TRPM3: variants seen among roughly 807,000 people sequenced by gnomAD.
TRPM3 encodes transient receptor potential cation channel subfamily M member 3, also known as long transient receptor potential channel 3.
TRPM3 carries 77 observed loss-of-function variants against 181.2 expected under a neutral mutation model. The ratio of observed to expected loss-of-function variants is 0.42; its 90% CI spans 0.35 to 0.51. TRPM3 has a LOEUF of 0.51. TRPM3 is among the 20% of genes least tolerant of loss of function. The pLI is 0.01. For synonymous variants in TRPM3, 745 were observed against 796.4 expected, an observed-to-expected ratio of 0.94 and a Z score of 1.09; for missense variants, 1,759 against 2,196.7, an observed-to-expected ratio of 0.80 and a Z score of 3.98.
chr9:71,153,001 T>G (rs1314608055), intron 1 of TRPM3, among the ~76,000 whole-genome samples: 1 of 152,108 alleles, frequency 6.6e-6, no homozygotes, highest in Non-Finnish European at 1.5e-5. Flanking sequence ...GCCCCTGTCA[T>G]AGTGGCCAAT....
At chr9:70,886,673 T>A (rs2096088607) in intron 1 of TRPM3, among the ~76,000 whole-genome samples, 1 of 149,400 alleles carries the variant, frequency 6.7e-6, no homozygotes, top group Non-Finnish European at 1.5e-5. Flanking sequence ...TCTTTTTTTC[T>A]TTTTTTTTGA....
chr9:71,314,237 G>A (rs1281495409), intron 1 of TRPM3, among the ~76,000 whole-genome samples: 1 of 151,938 alleles, frequency 6.6e-6, no homozygotes, highest in Non-Finnish European at 1.5e-5. Context: ...ACTTATACCT[G>A]TGATAAATAC....
intron 1 of TRPM3, among the ~76,000 whole-genome samples, chr9:71,130,322 A>T (rs2074292872): frequency 6.6e-6 from 1 of 152,230 alleles, no homozygotes; most frequent in African/African-American, 2.4e-5. Context: ...AAATACCATG[A>T]TCTATCATTA....
At chr9:71,263,261 C>T (rs536138838) in intron 1 of TRPM3, among the ~76,000 whole-genome samples, 33 of 152,142 alleles carry the variant, frequency 2.2e-4, no homozygotes, top group Non-Finnish European at 1.3e-4. Context: ...TTTTTTTAAA[C>T]GTTTAACATG....
intron 14 of TRPM3, among the ~76,000 whole-genome samples, chr9:70,622,836 C>A (rs1378661781): frequency 6.6e-6 from 1 of 152,084 alleles, no homozygotes; most frequent in Non-Finnish European, 1.5e-5. Context: ...CAGCTCAAAC[C>A]GAATCTCTCT....
At chr9:71,089,168 AAT>A (rs1303901336) in intron 1 of TRPM3, among the ~76,000 whole-genome samples, 2 of 147,584 alleles carry the variant, frequency 1.4e-5, no homozygotes, top group East Asian at 3.9e-4. Flanking sequence ...ATCATATATG[AAT>A]ATATATTTTT....
chr9:70,662,161 A>G (rs1291906084), intron 9 of TRPM3, among the ~76,000 whole-genome samples: 9 of 152,194 alleles, frequency 5.9e-5, no homozygotes. Context: ...ATACAAAAAC[A>G]TACATTGGGA....
chr9:71,314,446 C>A (rs1203502958), intron 1 of TRPM3, among the ~76,000 whole-genome samples: 2 of 152,064 alleles, frequency 1.3e-5, no homozygotes, highest in African/African-American at 4.8e-5. Flanking sequence ...TGAAAAGTTT[C>A]TTTTAAAATT....
intron 1 of TRPM3, among the ~76,000 whole-genome samples, chr9:70,965,921 C>T (rs777822393): frequency 7.3e-5 from 11 of 151,252 alleles, no homozygotes; most frequent in East Asian, 1.9e-4. Context: ...AGCTTCTATA[C>T]GGTAAACAAA....
chr9:70,619,675 A>T (rs1366110719), intron 16 of TRPM3, among the ~76,000 whole-genome samples: 3 of 151,982 alleles, frequency 2.0e-5, no homozygotes, highest in Non-Finnish European at 4.4e-5. Flanking sequence ...TCAGCCTCCC[A>T]AAGTGCTGGG....
chr9:71,231,759 A>AT (rs1258790650), intron 1 of TRPM3, among the ~76,000 whole-genome samples: 1 of 152,184 alleles, frequency 6.6e-6, no homozygotes, highest in Non-Finnish European at 1.5e-5. Flanking sequence ...CATGGCAACA[A>AT]TAGACACTGG....
intron 3 of TRPM3, among the ~76,000 whole-genome samples, chr9:70,848,059 A>C (rs1014059531): frequency 2.0e-5 from 3 of 152,216 alleles, no homozygotes; most frequent in African/African-American, 7.2e-5. Context: ...AGATCCTCAA[A>C]GTCATTGAAA....
In TRPM3 at chr9:70,605,202, C is replaced by T. The variant is rs1443814909; in HGVS notation, c.2668-1732G>A. 5.3e-5 allele frequency among the ~76,000 whole-genome samples: 8 copies of T among 151,924 alleles called. No individual in the cohort carries two copies. In the East Asian group the frequency reaches 5.8e-4, roughly 11 times the overall value. Reference sequence around the variant, plus strand: ...AATTCCTGACCTCAAGTGATCTGCCCGCCTCGGCCTCCTAAAGTGCTGGGA... The same window carrying T: ...AATTCCTGACCTCAAGTGATCTGCCTGCCTCGGCCTCCTAAAGTGCTGGGA... On this transcript the variant is annotated intron_variant, in intron 19 of 25. Transcript: ENST00000677713.
chr9:71,219,393 C>A (rs1207370948), intron 1 of TRPM3, among the ~76,000 whole-genome samples: 2 of 152,282 alleles, frequency 1.3e-5, no homozygotes, highest in Non-Finnish European at 2.9e-5. Context: ...TGGTGACAGT[C>A]TGTACTTTCT....
chr9:70,670,296 G>C (rs889137395), intron 9 of TRPM3, among the ~76,000 whole-genome samples: 19 of 152,092 alleles, frequency 1.2e-4, no homozygotes, highest in African/African-American at 4.1e-4. Flanking sequence ...CATTCCGCAG[G>C]GTTGTGAAAA....
chr9:71,281,474 C>T (rs1383639900), intron 1 of TRPM3, among the ~76,000 whole-genome samples: 2 of 152,156 alleles, frequency 1.3e-5, no homozygotes, highest in Non-Finnish European at 2.9e-5. Flanking sequence ...GCATTTTGTT[C>T]ATTGCTGTCT....
intron 1 of TRPM3, among the ~76,000 whole-genome samples, chr9:71,073,446 T>C (rs2063037900): frequency 6.6e-6 from 1 of 152,290 alleles, no homozygotes; most frequent in African/African-American, 2.4e-5. Flanking sequence ...TTTATTTAAT[T>C]TTCCAGTTCT....
At chr9:71,023,092 T>C (rs566839785) in intron 1 of TRPM3, among the ~76,000 whole-genome samples, 2 of 152,232 alleles carry the variant, frequency 1.3e-5, no homozygotes, top group South Asian at 4.1e-4. Flanking sequence ...ACACCTCATA[T>C]CTGACAAATA....
At chr9:70,963,360 A>T (rs2097155675) in intron 1 of TRPM3, among the ~76,000 whole-genome samples, 1 of 152,198 alleles carries the variant, frequency 6.6e-6, no homozygotes, top group Non-Finnish European at 1.5e-5. Flanking sequence ...GCAGCTAGAC[A>T]CACCAAACAA....
Sources: allele counts gnomAD v4.1 joint callset (sites outside exome capture counted in the v4.1 genomes callset), GRCh38; gene constraint gnomAD v4.1.1; transcripts MANE v1.5; gene names NCBI Gene and HGNC (gene_info 2026-07-23, HGNC 2026-07-21).